The following CHAT variants were observed in gnomAD, a reference collection of about 807,000 sequenced individuals.
The protein encoded by CHAT is acetyl CoA:choline O-acetyltransferase.
Under a neutral mutation model 76.9 loss-of-function variants are expected in CHAT, and 61 were observed. That is an observed-to-expected ratio of 0.79 (90% CI 0.65 to 0.98). CHAT has a LOEUF of 0.98. Ranked by LOEUF, CHAT falls within the 50% of genes least tolerant of loss-of-function variation. CHAT has a pLI of 0.00. For synonymous variants in CHAT, 407 were observed against 397.4 expected, an observed-to-expected ratio of 1.02 and a Z score of -0.29; for missense variants, 946 against 986.9, an observed-to-expected ratio of 0.96 and a Z score of 0.56.
chr10:49,633,024 A>G, intron 7 of CHAT, among the ~76,000 whole-genome samples: 1 of 152,232 alleles, frequency 6.6e-6, no homozygotes. Context: ...ACCAGGATAC[A>G]CAGGCTAAAC....
chr10:49,625,482 T>G lies in CHAT; in HGVS notation c.762T>G (p.Ile254Met). Reference sequence around the variant, plus strand: ...CACTCCTCTCCTTCAGCCACTCCATTCCCACTGACTGTGCCAAAGGCCAGC... The same window carrying G: ...CACTCCTCTCCTTCAGCCACTCCATGCCCACTGACTGTGCCAAAGGCCAGC... The part of the protein sequence containing the change: ...SYKALLDSHS[I>M]PTDCAKGQLS... Residue 254 changes from isoleucine (I) to methionine (M), a missense_variant, in exon 6 of 15, where the codon ATT becomes ATG. Ile to Met is a conservative substitution (Grantham distance 10). This residue lies in a region of CHAT where 548 missense variants were observed against 516.2 expected (regional missense o/e 1.06). Coordinates refer to ENST00000337653, the MANE Select transcript of CHAT (RefSeq NM_020549.5). The G allele has an allele frequency of 6.2e-7, 1 of 1,612,430 alleles. No individual in the cohort carries two copies. The highest frequency in any genetic ancestry group is 8.5e-7 in the Non-Finnish European group (1 of 1,179,992).
At chr10:49,633,419 CG>C (rs1564480408) in intron 7 of CHAT, among the ~76,000 whole-genome samples, 1 of 152,088 alleles carries the variant, frequency 6.6e-6, no homozygotes, top group East Asian at 1.9e-4. Context: ...CCCACTGAAC[CG>C]AGGAAGAGGC....
chr10:49,667,512 A>T lies in CHAT; in HGVS notation c.*2466A>T, dbSNP rs553911915. On this transcript the variant is annotated 3_prime_UTR_variant, in exon 15 of 15. Coordinates refer to ENST00000337653, the MANE Select transcript of CHAT (RefSeq NM_020549.5). ...AGGGAACACTTCCTCTCTCTGAGGA[A>T]GAGGCTGGAAGCTGGTCTTCCCCCT... Among the ~76,000 whole-genome samples, 1 of 152,214 alleles carries T rather than the reference A, an allele frequency of 6.6e-6. No individual in the cohort carries two copies. Among genetic ancestry groups the T allele is most frequent in the East Asian group, 1.9e-4 (1 of 5,198 alleles).
At chr10:49,641,248 G>A (rs925263247) in intron 7 of CHAT, among the ~76,000 whole-genome samples, 11 of 152,166 alleles carry the variant, frequency 7.2e-5, no homozygotes, top group African/African-American at 2.7e-4. Flanking sequence ...AAGCTTCAAC[G>A]TATGACTTTT....
chr10:49,625,979 A>G (rs760671072), intron 6 of CHAT, among the ~76,000 whole-genome samples: 5 of 152,148 alleles, frequency 3.3e-5, no homozygotes, highest in Non-Finnish European at 7.4e-5. Context: ...CTTTCTGGAG[A>G]CCACACACAG....
At chr10:49,613,979 A>T, upstream of CHAT, 1 of 858,822 alleles carries the variant, frequency 1.2e-6, no homozygotes, top group Non-Finnish European at 1.8e-6. Context: ...CCTCTCCAGG[A>T]TTCAGCAGCA....
At chr10:49,659,825 TCACTC>T (rs1014052906) in intron 13 of CHAT, among the ~76,000 whole-genome samples, 92 of 151,908 alleles carry the variant, frequency 6.1e-4, no homozygotes, top group African/African-American at 2.1e-3. Flanking sequence ...TCACGCCACT[TCACTC>T]CAGCCTGGGT....
At position 49,653,076 on chromosome 10, in the gene CHAT, C is replaced by T. The variant is rs118062487; in HGVS notation, c.1634+1070C>T. On this transcript the variant is annotated intron_variant, in intron 11 of 14. Coordinates refer to ENST00000337653, the MANE Select transcript of CHAT (RefSeq NM_020549.5). ...TTGTTTTCTAGACTATCCCCGCGACCCTGACATTCTGGGCATCTCGCATGC... is the reference window on the plus strand; with the variant it reads ...TTGTTTTCTAGACTATCCCCGCGACTCTGACATTCTGGGCATCTCGCATGC... 2.0e-3 allele frequency among the ~76,000 whole-genome samples: 304 copies of T among 152,004 alleles called. 1 individual carries two copies. The highest frequency in any genetic ancestry group is 0.017 in the Middle Eastern group (5 of 294).
intron 2 of CHAT, among the ~76,000 whole-genome samples, chr10:49,617,154 G>A (rs1838528046): frequency 6.6e-6 from 1 of 152,052 alleles, no homozygotes; most frequent in African/African-American, 2.4e-5. Context: ...TCCCACACTT[G>A]TCTTTTTGCC....
At chr10:49,627,862 G>C in intron 7 of CHAT, 77 bp downstream of exon 7, 2 of 1,504,802 alleles carry the variant, frequency 1.3e-6, no homozygotes, top group Non-Finnish European at 9.0e-7. Flanking sequence ...CTAGGGTTGG[G>C]CCAGGGCCTC....
At chr10:49,640,411 A>T (rs1199204654) in intron 7 of CHAT, among the ~76,000 whole-genome samples, 4 of 151,632 alleles carry the variant, frequency 2.6e-5, no homozygotes, top group Admixed American at 2.0e-4. Flanking sequence ...AGAATGGGGG[A>T]GGTTATAACG....
At position 49,657,745 on chromosome 10, in the gene CHAT, G is replaced by C. The variant is rs183792662; in HGVS notation, c.1839+2297G>C. 6.1e-4 allele frequency among the ~76,000 whole-genome samples: 93 copies of C among 152,316 alleles called. 1 individual carries two copies. The highest frequency in any genetic ancestry group is 2.4e-3 in the Admixed American group (36 of 15,306). On this transcript the variant is annotated intron_variant, in intron 13 of 14. Transcript: ENST00000337653. ...CCATCCCTCACCAAGCAGGAGATTA[G>C]AAGATTTCTCTGTGGTAAAATTGAC...
intron 9 of CHAT, among the ~76,000 whole-genome samples, chr10:49,648,817 G>A (rs767006292): frequency 6.6e-6 from 1 of 152,156 alleles, no homozygotes; most frequent in Non-Finnish European, 1.5e-5. Context: ...CCATGGATAG[G>A]AGGCAGCAGA....
chr10:49,621,552 G>A (rs576477102), intron 4 of CHAT, among the ~76,000 whole-genome samples: 4 of 152,120 alleles, frequency 2.6e-5, no homozygotes, highest in African/African-American at 7.2e-5. Flanking sequence ...TTAGTACCGG[G>A]GGGTGGGAGG....
intron 5 of CHAT, among the ~76,000 whole-genome samples, chr10:49,622,458 C>T (rs375430263): frequency 1.3e-5 from 2 of 152,112 alleles, no homozygotes; most frequent in African/African-American, 4.8e-5. Flanking sequence ...CATAGGAAGG[C>T]GGGGAAGGAA....
At chr10:49,613,539 G>A (rs1376026336), upstream of CHAT, among the ~76,000 whole-genome samples, 1 of 152,238 alleles carries the variant, frequency 6.6e-6, no homozygotes, top group Non-Finnish European at 1.5e-5. Flanking sequence ...AGGGTCGCCT[G>A]TGTGTTAGCT....
chr10:49,610,660 C>G (rs1032359271), upstream of CHAT: 82 of 1,372,988 alleles, frequency 6.0e-5, no homozygotes, highest in Middle Eastern at 1.3e-3. Flanking sequence ...CCCCGAAGTC[C>G]CGTGCCCTCG....
rs1199617234 is a variant in CHAT, at chr10:49,665,832, A to G, written c.*786A>G. On this transcript the variant is annotated 3_prime_UTR_variant, in exon 15 of 15. Transcript: ENST00000337653. ...AAGATGAGTAAACTGCACAGCCCCA[A>G]GCAGATGGTGCCTGGTGCCGGTGGG... 6.6e-6 allele frequency among the ~76,000 whole-genome samples: 1 copy of G among 152,110 alleles called. No individual in the cohort carries two copies. The highest frequency in any genetic ancestry group is 1.5e-5 in the Non-Finnish European group (1 of 68,010).
chr10:49,658,028 A>T (rs1840084512), intron 13 of CHAT, among the ~76,000 whole-genome samples: 1 of 152,252 alleles, frequency 6.6e-6, no homozygotes, highest in Non-Finnish European at 1.5e-5. Context: ...TTGAGGAGAC[A>T]TAAAAGAGTA....
Sources: allele counts gnomAD v4.1 joint callset (sites outside exome capture counted in the v4.1 genomes callset), GRCh38; gene constraint gnomAD v4.1.1; regional missense constraint gnomAD v4.1.1; transcripts MANE v1.5; gene names NCBI Gene and HGNC (gene_info 2026-07-23, HGNC 2026-07-21).